Variants in COL24A1 observed in about 807,000 individuals in gnomAD.
The protein encoded by COL24A1 is collagen alpha-1(XXIV) chain.
In COL24A1, 224 loss-of-function variants were observed where a neutral mutation model predicts 253.9. That is an observed-to-expected ratio of 0.88 (90% CI 0.79 to 0.99). The LOEUF is 0.99. Ranked by LOEUF, COL24A1 falls within the 50% of genes least tolerant of loss-of-function variation. COL24A1 has a pLI of 0.00. For synonymous variants in COL24A1, 685 were observed against 673.7 expected (o/e 1.02, Z -0.26); for missense variants, 2,131 against 2,068.5 (o/e 1.03, Z -0.59).
At chr1:85,791,670 T>C (rs990351932) in intron 47 of COL24A1, among the ~76,000 whole-genome samples, 5 of 152,154 alleles carry the variant, frequency 3.3e-5, no homozygotes, top group Admixed American at 3.3e-4. Flanking sequence ...AAGCAATCAG[T>C]ATATTCAATG....
intron 59 of COL24A1, 23 bp from the exon 60 acceptor site, chr1:85,730,715 T>A (rs1663390881): frequency 1.2e-6 from 2 of 1,612,186 alleles, no homozygotes; most frequent in East Asian, 4.5e-5. Flanking sequence ...AACAAAATGC[T>A]TTCATACGCA....
intron 24 of COL24A1, among the ~76,000 whole-genome samples, chr1:85,925,276 C>T (rs1470571003): frequency 1.3e-5 from 2 of 152,102 alleles, no homozygotes; most frequent in Admixed American, 1.3e-4. Context: ...CAATGCCATC[C>T]CCATGAAGCT....
intron 22 of COL24A1, among the ~76,000 whole-genome samples, chr1:85,968,620 C>T (rs1437110577): frequency 6.6e-6 from 1 of 152,056 alleles, no homozygotes; most frequent in Non-Finnish European, 1.5e-5. Context: ...TAGTTAAGAA[C>T]CTGAATTATT....
At chr1:86,069,607 G>A (rs1701725615) in intron 7 of COL24A1, among the ~76,000 whole-genome samples, 2 of 152,160 alleles carry the variant, frequency 1.3e-5, no homozygotes, top group South Asian at 2.1e-4. Context: ...CAGTGGTGAC[G>A]GCCACAGGGT....
At chr1:86,103,567 G>A (rs1021598190) in intron 5 of COL24A1, among the ~76,000 whole-genome samples, 1 of 152,134 alleles carries the variant, frequency 6.6e-6, no homozygotes, top group South Asian at 2.1e-4. Context: ...TGTAAGGCAG[G>A]TCTGATGGTG....
chr1:86,124,716 T>G, intron 3 of COL24A1, 129 bp downstream of exon 3: 1 of 606,032 alleles, frequency 1.7e-6, no homozygotes, highest in South Asian at 3.8e-5. Context: ...TGTGCCAGAA[T>G]GCATTTCCAT....
intron 1 of COL24A1, among the ~76,000 whole-genome samples, chr1:86,147,187 T>G (rs1032190355): frequency 1.3e-5 from 2 of 152,188 alleles, no homozygotes; most frequent in African/African-American, 4.8e-5. Context: ...CATTTTCTAT[T>G]TATTACTAAT....
At chr1:85,829,643 A>T (rs1353079448) in intron 43 of COL24A1, among the ~76,000 whole-genome samples, 1 of 151,646 alleles carries the variant, frequency 6.6e-6, no homozygotes, top group Admixed American at 6.6e-5. Context: ...TTTCTCTCTA[A>T]ACTTCCCTTC....
chr1:85,824,537 G>C (rs1309732883), intron 43 of COL24A1, among the ~76,000 whole-genome samples: 1 of 152,110 alleles, frequency 6.6e-6, no homozygotes. Flanking sequence ...TTGGACGGTA[G>C]ATTTACTGGG....
intron 59 of COL24A1, among the ~76,000 whole-genome samples, chr1:85,732,797 A>G (rs1459688387): frequency 6.6e-6 from 1 of 152,216 alleles, no homozygotes; most frequent in African/African-American, 2.4e-5. Flanking sequence ...GTTATTATGA[A>G]TAAAATAATT....
rs528367334 is a variant in COL24A1, at chr1:85,947,877, A to C, written c.2562+13372T>G. The stretch of plus-strand genomic sequence containing the variant: ...TTTCTCCACCACAGAAGTTTTATGG[A>C]ATTTGGCAGCCATGCATGTATGCTA... On this transcript the variant is annotated intron_variant, in intron 24 of 59. Transcript: ENST00000370571. 7.7e-4 allele frequency among the ~76,000 whole-genome samples: 117 copies of C among 151,816 alleles called. 1 individual carries two copies. Among genetic ancestry groups the C allele is most frequent in the Non-Finnish European group, 4.0e-4 (27 of 67,924 alleles).
At chr1:86,115,183 C>G in intron 4 of COL24A1, 142 bp downstream of exon 4, 1 of 698,458 alleles carries the variant, frequency 1.4e-6, no homozygotes, top group Non-Finnish European at 2.3e-6. Flanking sequence ...TCTTAAGCTT[C>G]TCTTGAATTG....
rs374842121 is a variant in COL24A1 at position 85,784,314 on chromosome 1, C to A, written c.4112G>T (p.Arg1371Leu). The change falls in exon 49 of 60, where the codon CGA (arginine) becomes CTA (leucine). Residue 1371 changes from arginine to leucine, a missense_variant. By Grantham distance (102) the Arg-to-Leu change is moderately radical. Transcript: ENST00000370571. ...TGGTCCTTGATCACCTTGTGCTCCT[C>A]GGTGACCTCTTTTACCTTGAATTCC... ...QPGIQGKRGH[R>L]GAQGDQGPCG... 5.0e-6 allele frequency: 8 copies of A among 1,614,062 alleles called. No homozygotes were observed. The highest frequency in any genetic ancestry group is 6.8e-6 in the Non-Finnish European group (8 of 1,179,966).
At chr1:85,975,163 G>A (rs1327219950) in intron 20 of COL24A1, among the ~76,000 whole-genome samples, 4 of 152,114 alleles carry the variant, frequency 2.6e-5, no homozygotes, top group Admixed American at 2.0e-4. Context: ...ATTTATTGGT[G>A]GGAATGTAAA....
chr1:85,887,632 G>A (rs1682666510), intron 32 of COL24A1, among the ~76,000 whole-genome samples: 1 of 152,120 alleles, frequency 6.6e-6, no homozygotes, highest in South Asian at 2.1e-4. Flanking sequence ...TTGATTTACA[G>A]AAGTATAACT....
chr1:86,156,146 C>T, intron 1 of COL24A1, 195 bp downstream of exon 1: 1 of 543,900 alleles, frequency 1.8e-6, no homozygotes. Flanking sequence ...GATCTGCTGG[C>T]ACGAGGCATC....
chr1:85,805,271 A>C (rs1671844986), intron 47 of COL24A1, among the ~76,000 whole-genome samples: 1 of 152,226 alleles, frequency 6.6e-6, no homozygotes, highest in Non-Finnish European at 1.5e-5. Context: ...GTGAAATGGA[A>C]AGAAAGAAAT....
rs146651388 is a variant in COL24A1 at position 86,048,356 on chromosome 1, C to G, written c.1906-1487G>C. ...TTTTTTGTACTTAAACATTTTATAA[C>G]GTAACACCCTTTTAGCTACATCATT... On this transcript the variant is annotated intron_variant, in intron 11 of 59. Coordinates refer to ENST00000370571, the MANE Select transcript of COL24A1 (RefSeq NM_152890.7). Among the ~76,000 whole-genome samples the G allele has an allele frequency of 2.5e-3, 387 of 152,232 alleles. 2 individuals carry two copies. The highest frequency in any genetic ancestry group is 9.0e-3 in the African/African-American group (373 of 41,534).
chr1:85,999,606 C>T (rs932150303), intron 19 of COL24A1, among the ~76,000 whole-genome samples: 8 of 151,270 alleles, frequency 5.3e-5, no homozygotes, highest in African/African-American at 1.9e-4. Flanking sequence ...GGCAACAGAA[C>T]AAGACCCTGT....
Sources: gnomAD v4.1 joint callset for allele counts (sites outside exome capture counted in the v4.1 genomes callset) on GRCh38, gnomAD v4.1.1 for gene constraint, MANE v1.5 for transcripts, NCBI Gene and HGNC (gene_info 2026-07-23, HGNC 2026-07-21) for gene names.